Variants in BRMS1L observed in about 807,000 individuals in gnomAD.
BRMS1L encodes BRMS1 like transcriptional repressor.
A neutral mutation model predicts 50.3 loss-of-function variants in BRMS1L; 23 were observed. That is an observed-to-expected ratio of 0.46 (90% CI 0.33 to 0.65). The LOEUF (loss-of-function observed/expected upper bound fraction) is 0.65, where lower values mean the gene tolerates loss of function less well. Among genes scored for constraint, BRMS1L ranks in the 30% least tolerant of loss-of-function variants. The pLI is 0.02. For synonymous variants in BRMS1L, 114 were observed against 126.9 expected (o/e 0.90, Z 0.69); for missense variants, 286 against 386.1 (o/e 0.74, Z 2.17).
At position 35,865,713 on chromosome 14, in the gene BRMS1L, T is replaced by G. The variant is rs554987536; in HGVS notation, c.688-9T>G. On this transcript the variant is annotated splice_polypyrimidine_tract_variant and intron_variant, in intron 7 of 9. Coordinates refer to ENST00000216807, the MANE Select transcript of BRMS1L (RefSeq NM_032352.4). Reference sequence around the variant, plus strand: ...TCTTTCTTCCTCTTTTTTTTTTTTTTTAATTAAGGCAATGGCTACATTGGG... The same window carrying G: ...TCTTTCTTCCTCTTTTTTTTTTTTTGTAATTAAGGCAATGGCTACATTGGG... The G allele has an allele frequency of 1.2e-4, 187 of 1,574,558 alleles. No homozygotes were observed. In the South Asian group the frequency reaches 2.0e-3, roughly 17 times the overall value.
chr14:35,826,885 C>T (rs2077853049), intron 1 of BRMS1L: 2 of 575,542 alleles, frequency 3.5e-6, no homozygotes, highest in African/African-American at 4.0e-5. Context: ...TGTCCAGCTC[C>T]CAAACGCGGC....
chr14:35,833,434 ATAAAGT>A (rs2077951481), intron 3 of BRMS1L, among the ~76,000 whole-genome samples: 1 of 152,114 alleles, frequency 6.6e-6, no homozygotes, highest in South Asian at 2.1e-4. Flanking sequence ...TCCCTATTAG[ATAAAGT>A]TTAAGTGTTC....
intron 4 of BRMS1L, among the ~76,000 whole-genome samples, chr14:35,855,599 C>T (rs1258683708): frequency 1.3e-5 from 2 of 152,116 alleles, no homozygotes; most frequent in Non-Finnish European, 2.9e-5. Flanking sequence ...TAAATATTAA[C>T]CGAAATTTCT....
intron 4 of BRMS1L, among the ~76,000 whole-genome samples, chr14:35,838,117 C>T (rs1455253841): frequency 3.3e-5 from 5 of 152,094 alleles, no homozygotes; most frequent in Non-Finnish European, 5.9e-5. Flanking sequence ...AGTGAGAACA[C>T]GCGGTGTTTT....
chr14:35,868,142 G>T, intron 9 of BRMS1L, 110 bp downstream of exon 9: 1 of 1,128,744 alleles, frequency 8.9e-7, no homozygotes, highest in Non-Finnish European at 1.2e-6. Flanking sequence ...AGTTGCTTGT[G>T]GATCCTTTTT....
At chr14:35,866,427 ATGG>A (rs2078422052) in intron 8 of BRMS1L, among the ~76,000 whole-genome samples, 1 of 152,226 alleles carries the variant, frequency 6.6e-6, no homozygotes, top group Non-Finnish European at 1.5e-5. Flanking sequence ...TAGGCTGGGC[ATGG>A]TGGCTCATGC....
chr14:35,834,488 G>T (rs1042594517), intron 3 of BRMS1L, among the ~76,000 whole-genome samples: 2 of 152,126 alleles, frequency 1.3e-5, no homozygotes, highest in South Asian at 2.1e-4. Context: ...TGACACCAGA[G>T]TTTATTATCT....
chr14:35,866,004 CAA>C, intron 8 of BRMS1L: 1 of 430,242 alleles, frequency 2.3e-6, no homozygotes. Context: ...ATCAGTAACT[CAA>C]AAAAGTATTT....
intron 8 of BRMS1L, chr14:35,867,687 ATTGTTTAGCT>A: frequency 3.4e-6 from 1 of 292,636 alleles, no homozygotes; most frequent in Non-Finnish European, 6.1e-6. Flanking sequence ...TTTATTGTTC[ATTGTTTAGCT>A]TTGTTTAGTA....
At chr14:35,848,939 G>T (rs1016054912) in intron 4 of BRMS1L, among the ~76,000 whole-genome samples, 20 of 152,138 alleles carry the variant, frequency 1.3e-4, no homozygotes, top group African/African-American at 4.8e-4. Flanking sequence ...TGGGAGTGCA[G>T]ATATCTTTGA....
At chr14:35,857,568 GT>G (rs1160369882) in intron 4 of BRMS1L, among the ~76,000 whole-genome samples, 1 of 151,902 alleles carries the variant, frequency 6.6e-6, no homozygotes, top group Admixed American at 6.6e-5. Context: ...TGATCCTCCT[GT>G]TTTGGCCTCC....
chr14:35,854,009 A>G (rs2078247343), intron 4 of BRMS1L, among the ~76,000 whole-genome samples: 1 of 151,748 alleles, frequency 6.6e-6, no homozygotes, highest in South Asian at 2.1e-4. Context: ...AAACCCTCTA[A>G]CTCCAGTTAT....
chr14:35,854,677 T>C (rs886961584), intron 4 of BRMS1L, among the ~76,000 whole-genome samples: 4 of 152,268 alleles, frequency 2.6e-5, no homozygotes, highest in African/African-American at 9.6e-5. Context: ...GGTTCTTTGC[T>C]GTCTAAGTCT....
chr14:35,850,895 G>A (rs527909018), intron 4 of BRMS1L, among the ~76,000 whole-genome samples: 15 of 152,082 alleles, frequency 9.9e-5, no homozygotes, highest in Admixed American at 3.9e-4. Flanking sequence ...CCCCCAAAAC[G>A]TCATTTAGTT....
At chr14:35,851,718 G>A (rs960456516) in intron 4 of BRMS1L, among the ~76,000 whole-genome samples, 1 of 152,200 alleles carries the variant, frequency 6.6e-6, no homozygotes, top group East Asian at 1.9e-4. Context: ...GTCAATTGGT[G>A]CAGCCATTTT....
intron 4 of BRMS1L, chr14:35,858,495 G>A (rs907937661): frequency 2.7e-4 from 41 of 152,142 alleles, no homozygotes; most frequent in African/African-American, 9.7e-4. Flanking sequence ...GAGATTTCTT[G>A]TATTGCTTGT....
intron 4 of BRMS1L, among the ~76,000 whole-genome samples, chr14:35,854,931 A>G (rs2078260648): frequency 6.6e-6 from 1 of 152,254 alleles, no homozygotes; most frequent in African/African-American, 2.4e-5. Flanking sequence ...TCAAGTACAT[A>G]GAGGTCATGC....
chr14:35,855,264 A>AT (rs952747697), intron 4 of BRMS1L, among the ~76,000 whole-genome samples: 5 of 151,848 alleles, frequency 3.3e-5, no homozygotes, highest in Admixed American at 1.3e-4. Context: ...TTATTTTCTT[A>AT]TTTTTTTGTA....
intron 4 of BRMS1L, among the ~76,000 whole-genome samples, chr14:35,840,019 C>T (rs575582309): frequency 2.0e-5 from 3 of 152,236 alleles, no homozygotes; most frequent in South Asian, 2.1e-4. Context: ...TCATAAATAG[C>T]TCTTATTATT....
Sources: gnomAD v4.1 joint callset for allele counts (sites outside exome capture counted in the v4.1 genomes callset) on GRCh38, gnomAD v4.1.1 for gene constraint, MANE v1.5 for transcripts, NCBI Gene and HGNC (gene_info 2026-07-23, HGNC 2026-07-21) for gene names.